IQCM: variants seen among roughly 807,000 people sequenced by gnomAD.
The protein encoded by IQCM is IQ motif containing M, also known as IQ domain-containing protein M.
Under a neutral mutation model 57.6 loss-of-function variants are expected in IQCM, and 45 were observed. The observed-to-expected ratio is 0.78, with a 90% CI of 0.62 to 1.00. IQCM has a LOEUF of 1.00. Ranked by LOEUF, IQCM falls within the 50% of genes least tolerant of loss-of-function variation. The pLI, the probability that IQCM is intolerant of heterozygous loss-of-function variation, is 0.00. For synonymous variants in IQCM, 148 were observed against 158.9 expected, an observed-to-expected ratio of 0.93 and a Z score of 0.51; for missense variants, 468 against 511.6, an observed-to-expected ratio of 0.91 and a Z score of 0.82.
chr4:149,660,663 T>G, intron 7 of IQCM, among the ~76,000 whole-genome samples: 1 of 152,004 alleles, frequency 6.6e-6, no homozygotes, highest in Non-Finnish European at 1.5e-5. Context: ...TAAAAAAGGA[T>G]GAGTTCATGT....
chr4:149,606,268 A>G (rs1450848543), intron 8 of IQCM, among the ~76,000 whole-genome samples: 1 of 152,156 alleles, frequency 6.6e-6, no homozygotes, highest in African/African-American at 2.4e-5. Context: ...TTTGGAGGAA[A>G]CAGAGGAAAT....
intron 2 of IQCM, among the ~76,000 whole-genome samples, chr4:149,797,806 C>A (rs1280260688): frequency 3.3e-5 from 5 of 150,190 alleles, no homozygotes; most frequent in Admixed American, 1.3e-4. Context: ...AAAAAAAAAA[C>A]TTTTTCTCTA....
intron 2 of IQCM, among the ~76,000 whole-genome samples, chr4:149,744,530 T>C (rs960733303): frequency 6.6e-6 from 1 of 152,124 alleles, no homozygotes; most frequent in African/African-American, 2.4e-5. Context: ...CATCCCACTG[T>C]CCTTTTAATG....
At chr4:149,541,368 C>T (rs917162569) in intron 12 of IQCM, among the ~76,000 whole-genome samples, 5 of 152,082 alleles carry the variant, frequency 3.3e-5, no homozygotes, top group Non-Finnish European at 5.9e-5. Flanking sequence ...TTGTCTAGGG[C>T]TCCTCACTAA....
chr4:149,371,877 T>G (rs922956247), intron 13 of IQCM, among the ~76,000 whole-genome samples: 1 of 152,280 alleles, frequency 6.6e-6, no homozygotes, highest in South Asian at 2.1e-4. Flanking sequence ...AGGATGGCCA[T>G]TCCTAAAGAT....
intron 9 of IQCM, among the ~76,000 whole-genome samples, chr4:149,580,129 T>C (rs1359341893): frequency 6.6e-6 from 1 of 151,706 alleles, no homozygotes; most frequent in Non-Finnish European, 1.5e-5. Context: ...GAACAAATAC[T>C]GATAGAAGAG....
At chr4:149,498,903 T>C (rs1742946495) in intron 12 of IQCM, among the ~76,000 whole-genome samples, 1 of 152,104 alleles carries the variant, frequency 6.6e-6, no homozygotes, top group Admixed American at 6.6e-5. Flanking sequence ...TGCACTGGAA[T>C]AAATGTATAA....
chr4:149,813,093 G>T (rs1580361433), intron 2 of IQCM, among the ~76,000 whole-genome samples: 1 of 151,800 alleles, frequency 6.6e-6, no homozygotes, highest in South Asian at 2.1e-4. Flanking sequence ...CTGGATTAAG[G>T]GTTACTTCAC....
At chr4:149,790,540 A>G (rs1388463805) in intron 2 of IQCM, among the ~76,000 whole-genome samples, 3 of 152,168 alleles carry the variant, frequency 2.0e-5, no homozygotes, top group African/African-American at 7.2e-5. Flanking sequence ...TCATTTTGTA[A>G]GTTATCATTA....
intron 9 of IQCM, among the ~76,000 whole-genome samples, chr4:149,568,131 G>A (rs906473766): frequency 6.6e-6 from 1 of 152,090 alleles, no homozygotes; most frequent in South Asian, 2.1e-4. Context: ...TCCATCCTGT[G>A]GTTGAGTGTC....
At chr4:149,464,781 A>G (rs1380839851) in intron 12 of IQCM, among the ~76,000 whole-genome samples, 1 of 152,182 alleles carries the variant, frequency 6.6e-6, no homozygotes, top group Non-Finnish European at 1.5e-5. Flanking sequence ...GCCACTATCA[A>G]CTGGTGCCTC....
intron 12 of IQCM, among the ~76,000 whole-genome samples, chr4:149,532,455 A>C (rs1827558): frequency 1 from 151,176 of 151,194 alleles, 75,579 homozygotes; most frequent in Middle Eastern, 1. Flanking sequence ...GCTTTCCTGA[A>C]AAAGAGTTTT....
At position 149,423,018 on chromosome 4, in the gene IQCM, G is replaced by C. The variant is rs75305940; in HGVS notation, c.1390+10378C>G. 2.2e-3 allele frequency among the ~76,000 whole-genome samples: 339 copies of C among 152,160 alleles called. 3 individuals carry two copies. Among genetic ancestry groups the C allele is most frequent in the Non-Finnish European group, 1.8e-3 (123 of 67,994 alleles). Reference sequence around the variant, plus strand: ...TAGTTGATCACTGTATGATGAAATAGTGTTAATCCTAGTAAACAAATGCAT... The same window carrying C: ...TAGTTGATCACTGTATGATGAAATACTGTTAATCCTAGTAAACAAATGCAT... On this transcript the variant is annotated intron_variant, in intron 13 of 13. Coordinates refer to ENST00000636793, the MANE Select transcript of IQCM (RefSeq NM_001363507.2).
rs186787258 is a variant in IQCM at position 149,648,959 on chromosome 4, C to G, written c.566-27715G>C. The stretch of plus-strand genomic sequence containing the variant: ...AGAAAAAATAATTTGCGTAAATTAC[C>G]TTTATTCAATATGGTTCACATTTCC... On this transcript the variant is annotated intron_variant, in intron 7 of 13. Coordinates refer to ENST00000636793, the MANE Select transcript of IQCM (RefSeq NM_001363507.2). 6.0e-4 allele frequency among the ~76,000 whole-genome samples: 91 copies of G among 151,866 alleles called. 3 individuals are homozygous for G. Among genetic ancestry groups the G allele is most frequent in the African/African-American group, 2.1e-3 (85 of 41,428 alleles).
intron 12 of IQCM, among the ~76,000 whole-genome samples, chr4:149,484,413 G>A (rs1741245130): frequency 6.6e-6 from 1 of 151,726 alleles, no homozygotes; most frequent in African/African-American, 2.4e-5. Flanking sequence ...TTCAATGAAG[G>A]TGATTTTCAC....
chr4:149,429,536 A>T (rs961734536), intron 13 of IQCM, among the ~76,000 whole-genome samples: 1 of 151,906 alleles, frequency 6.6e-6, no homozygotes, highest in Non-Finnish European at 1.5e-5. Flanking sequence ...TCCTAATACT[A>T]GGTAATTTGT....
At chr4:149,654,583 A>C (rs939331065) in intron 7 of IQCM, among the ~76,000 whole-genome samples, 2 of 152,216 alleles carry the variant, frequency 1.3e-5, no homozygotes, top group African/African-American at 2.4e-5. Context: ...CCATAAGCCA[A>C]TTAAACTATT....
intron 7 of IQCM, among the ~76,000 whole-genome samples, chr4:149,667,327 C>T (rs541563282): frequency 1.5e-4 from 23 of 152,196 alleles, no homozygotes; most frequent in Admixed American, 1.3e-3. Context: ...AGCAGGCCTG[C>T]AGAAGAGGGG....
chr4:149,755,678 T>C (rs1768895269), intron 2 of IQCM, among the ~76,000 whole-genome samples: 1 of 152,186 alleles, frequency 6.6e-6, no homozygotes, highest in Non-Finnish European at 1.5e-5. Flanking sequence ...AAAATACTCA[T>C]TTATTATTCA....
Sources: gnomAD v4.1 joint callset for allele counts (sites outside exome capture counted in the v4.1 genomes callset) on GRCh38, gnomAD v4.1.1 for gene constraint, MANE v1.5 for transcripts, NCBI Gene and HGNC (gene_info 2026-07-23, HGNC 2026-07-21) for gene names.